The following PHC3 variants were observed in gnomAD, a reference collection of about 807,000 sequenced individuals.
PHC3 encodes polyhomeotic-like protein 3.
Under a neutral mutation model 107.4 loss-of-function variants are expected in PHC3, and 13 were observed. The observed-to-expected ratio is 0.12, with a 90% CI of 0.08 to 0.19. The LOEUF is 0.19. PHC3 is among the 10% of genes least tolerant of loss of function. The pLI is 1.00. For synonymous variants in PHC3, 456 were observed against 427.4 expected (o/e 1.07, Z -0.83); for missense variants, 992 against 1,210.9 (o/e 0.82, Z 2.68).
intron 7 of PHC3, among the ~76,000 whole-genome samples, chr3:170,129,848 C>T (rs979071368): frequency 1.3e-5 from 2 of 152,148 alleles, no homozygotes; most frequent in East Asian, 3.9e-4. Context: ...TACAGGTGCC[C>T]GCTACCACAC....
chr3:170,163,180 G>T (rs1280677620), intron 4 of PHC3, among the ~76,000 whole-genome samples: 3 of 152,062 alleles, frequency 2.0e-5, no homozygotes, highest in Admixed American at 2.0e-4. Context: ...CTGAATGAGT[G>T]AATGCATGAA....
chr3:170,177,034 TA>T, intron 2 of PHC3: 1 of 329,022 alleles, frequency 3.0e-6, no homozygotes. Context: ...AAATGTTAAC[TA>T]AGTAAACTTT....
rs1169853814 is a variant in PHC3, at chr3:170,089,413, A to AC, written c.*7816dup. ...TCAAGCATGGAACTGTTTCATGTTT[A>AC]CCCGTTCTACATTTAAAGGATGCCC... On this transcript the variant is annotated 3_prime_UTR_variant, in exon 15 of 15. Coordinates refer to ENST00000495893, the MANE Select transcript of PHC3 (RefSeq NM_024947.4). 6.6e-6 allele frequency: 1 copy of AC among 152,166 alleles called. No homozygotes were observed. Among genetic ancestry groups the AC allele is most frequent in the Non-Finnish European group, 1.5e-5 (1 of 68,008 alleles). 9.4% of individuals were successfully genotyped at this position (152,166 alleles called of 1,614,324 possible).
intron 10 of PHC3, among the ~76,000 whole-genome samples, chr3:170,114,638 T>C (rs777258884): frequency 1.1e-4 from 17 of 152,206 alleles, no homozygotes; most frequent in Non-Finnish European, 2.2e-4. Context: ...TTATATTCAG[T>C]ATACTTGGTT....
At chr3:170,105,435 C>T (rs1294382980) in intron 12 of PHC3, among the ~76,000 whole-genome samples, 1 of 151,894 alleles carries the variant, frequency 6.6e-6, no homozygotes, top group Non-Finnish European at 1.5e-5. Flanking sequence ...TGGAAATAAC[C>T]TATACGAAAT....
chr3:170,160,822 G>A (rs943776990), intron 4 of PHC3, among the ~76,000 whole-genome samples: 14 of 152,206 alleles, frequency 9.2e-5, no homozygotes, highest in Middle Eastern at 3.4e-3. Context: ...GAGGAGAATC[G>A]CTTCAACCTG....
intron 1 of PHC3, among the ~76,000 whole-genome samples, chr3:170,179,817 G>T (rs970688105): frequency 6.6e-6 from 1 of 152,242 alleles, no homozygotes; most frequent in Non-Finnish European, 1.5e-5. Context: ...CCTCCATATT[G>T]TTAGAAACCA....
Position 170,089,058 on chromosome 3 carries a change from T to C in PHC3, c.*8172A>G, listed in dbSNP as rs1469232203. 1 of 152,180 alleles carries C rather than the reference T, an allele frequency of 6.6e-6. No individual in the cohort carries two copies. The highest frequency in any genetic ancestry group is 1.5e-5 in the Non-Finnish European group (1 of 68,064). 9.4% of individuals were successfully genotyped at this position (152,180 alleles called of 1,614,324 possible). A position where few individuals can be genotyped will look rare whatever the true frequency, so the allele number is the denominator to read the frequency against. ...GGTGCATGCCAGTAATCCCAGCTACTTGGGAGGCCAAGGTGGGAGAATCTA... is the reference window on the plus strand; with the variant it reads ...GGTGCATGCCAGTAATCCCAGCTACCTGGGAGGCCAAGGTGGGAGAATCTA... On this transcript the variant is annotated 3_prime_UTR_variant, in exon 15 of 15. Transcript: ENST00000495893.
rs754739885 is a variant in PHC3, at chr3:170,129,293, A to G, written c.1179T>C (p.Pro393=). 6.2e-7 allele frequency: 1 copy of G among 1,613,994 alleles called. No homozygotes were observed. The highest frequency in any genetic ancestry group is 8.5e-7 in the Non-Finnish European group (1 of 1,179,886). The stretch of plus-strand genomic sequence containing the variant: ...GTGACTGATTAGGAGACACTGTTAA[A>G]GGAGAGGGATGACTCTGAATCGGTG... ...HCSPIQSHPS[P]LTVSPNQSQS... The change falls in exon 8 of 15, where the codon CCT becomes CCC. Residue 393 remains proline (P), a synonymous_variant. Transcript: ENST00000495893.
At chr3:170,116,003 A>G (rs1203572362) in intron 10 of PHC3, among the ~76,000 whole-genome samples, 5 of 152,192 alleles carry the variant, frequency 3.3e-5, no homozygotes, top group Non-Finnish European at 4.4e-5. Flanking sequence ...AAGGCCTTCA[A>G]AAAATTTTTC....
At position 170,179,007 on chromosome 3, in the gene PHC3, C is replaced by G. The variant is rs1577301584; in HGVS notation, c.15-69G>C. 17 of 1,408,670 alleles carry G rather than the reference C, an allele frequency of 1.2e-5. No individual in the cohort carries two copies. In the East Asian group the frequency reaches 3.9e-4, roughly 32 times the overall value. The allele number at this position is 1,408,670 out of a possible 1,614,324, so 87.3% of individuals were successfully genotyped here. A position where few individuals can be genotyped will look rare whatever the true frequency, so the allele number is the denominator to read the frequency against. ...TTATGAGCTTTAAAGAATATTCATTCCAAAGAAATAATCAGCAGTAATCTA... is the reference window on the plus strand; with the variant it reads ...TTATGAGCTTTAAAGAATATTCATTGCAAAGAAATAATCAGCAGTAATCTA... On this transcript the variant is annotated intron_variant, in intron 1 of 14. Transcript: ENST00000495893.
At chr3:170,145,277 T>C (rs961186257) in intron 6 of PHC3, 146 bp downstream of exon 6, 3 of 549,112 alleles carry the variant, frequency 5.5e-6, no homozygotes, top group Non-Finnish European at 9.4e-6. Flanking sequence ...TTTCTTGAAG[T>C]TCTCATTGTA....
intron 10 of PHC3, among the ~76,000 whole-genome samples, chr3:170,113,927 G>T (rs994094312): frequency 6.7e-6 from 1 of 149,082 alleles, no homozygotes; most frequent in Non-Finnish European, 1.5e-5. Flanking sequence ...TAAGAGTTGG[G>T]TTTTTTTTTT....
chr3:170,174,419 A>G (rs937674242), intron 2 of PHC3, among the ~76,000 whole-genome samples: 2 of 152,182 alleles, frequency 1.3e-5, no homozygotes, highest in African/African-American at 4.8e-5. Flanking sequence ...ATAAATATAG[A>G]AAAGTCAAGT....
intron 7 of PHC3, among the ~76,000 whole-genome samples, chr3:170,134,701 T>C (rs569128445): frequency 1.3e-5 from 2 of 152,270 alleles, no homozygotes; most frequent in African/African-American, 4.8e-5. Flanking sequence ...TACAACTTAG[T>C]GCTGTCAAGA....
intron 4 of PHC3, chr3:170,149,837 T>C (rs903856408): frequency 1.3e-5 from 2 of 152,200 alleles, no homozygotes; most frequent in African/African-American, 4.8e-5. Context: ...TCCTAAAAAT[T>C]AGGGCCAGTG....
chr3:170,117,353 TTACTCC>T lies in PHC3; in HGVS notation c.2060_2065del (p.Arg687_Ser688del). 6.2e-7 allele frequency: 1 copy of T among 1,613,930 alleles called. No homozygotes were observed. Among genetic ancestry groups the T allele is most frequent in the Non-Finnish European group, 8.5e-7 (1 of 1,179,862 alleles). Reference sequence around the variant, plus strand: ...AATGCTACTGTGCATAGATGTACTGTTACTCCTTGTGGTGGCAGCTGGAAGTAACAA... The same window carrying T: ...AATGCTACTGTGCATAGATGTACTGTTTGTGGTGGCAGCTGGAAGTAACAA... On this transcript the variant is annotated inframe_deletion, in exon 10 of 15. Transcript: ENST00000495893.
At chr3:170,124,296 CTTCTT>C (rs778145228) in intron 8 of PHC3, among the ~76,000 whole-genome samples, 2 of 152,090 alleles carry the variant, frequency 1.3e-5, no homozygotes, top group East Asian at 3.8e-4. Flanking sequence ...GTTCATTTCC[CTTCTT>C]TTATCTATAA....
intron 4 of PHC3, chr3:170,150,676 G>C: frequency 2.6e-6 from 1 of 384,500 alleles, no homozygotes; most frequent in South Asian, 1.8e-5. Context: ...TTGCGCCACT[G>C]CACTCCAGCC....
Sources: allele counts gnomAD v4.1 joint callset (sites outside exome capture counted in the v4.1 genomes callset), GRCh38; gene constraint gnomAD v4.1.1; transcripts MANE v1.5; gene names NCBI Gene and HGNC (gene_info 2026-07-23, HGNC 2026-07-21).